USP54: variants seen among roughly 807,000 people sequenced by gnomAD.
USP54 encodes the protein ubiquitin carboxyl-terminal hydrolase 54.
A neutral mutation model predicts 170.5 loss-of-function variants in USP54; 87 were observed. The ratio of observed to expected loss-of-function variants is 0.51; its 90% CI spans 0.43 to 0.61. The LOEUF (loss-of-function observed/expected upper bound fraction) is 0.61. Among genes scored for constraint, USP54 ranks in the 20% least tolerant of loss-of-function variants. The pLI, the probability that USP54 is intolerant of heterozygous loss-of-function variation, is 0.00. For missense variants in USP54, 1,786 were observed against 2,047.8 expected, an observed-to-expected ratio of 0.87 and a Z score of 2.47; for synonymous variants, 655 against 742.8, an observed-to-expected ratio of 0.88 and a Z score of 1.92.
intron 4 of USP54, among the ~76,000 whole-genome samples, chr10:73,562,268 A>G (rs1213399157): frequency 6.6e-6 from 1 of 152,182 alleles, no homozygotes; most frequent in African/African-American, 2.4e-5. Context: ...AACATAACAT[A>G]TACACATACA....
chr10:73,616,556 G>A (rs2080658675), intron 1 of USP54, among the ~76,000 whole-genome samples: 2 of 149,878 alleles, frequency 1.3e-5, no homozygotes, highest in South Asian at 4.2e-4. Flanking sequence ...TTAATACCTA[G>A]GTGATGAGTT....
intron 9 of USP54, 141 bp from the exon 10 acceptor site, chr10:73,539,734 G>T: frequency 1.0e-6 from 1 of 966,002 alleles, no homozygotes; most frequent in Non-Finnish European, 1.5e-6. Context: ...TGTTAGTTTA[G>T]ATTAATCATC....
intron 1 of USP54, among the ~76,000 whole-genome samples, chr10:73,587,368 G>C (rs569532282): frequency 6.6e-6 from 1 of 152,068 alleles, no homozygotes; most frequent in South Asian, 2.1e-4. Context: ...CCAGCTACTC[G>C]GGAGGATGAG....
intron 12 of USP54, among the ~76,000 whole-genome samples, chr10:73,534,216 T>C (rs1357873293): frequency 6.6e-6 from 1 of 152,062 alleles, no homozygotes; most frequent in African/African-American, 2.4e-5. Context: ...TCTCCTTTTT[T>C]TTTTTTTTGA....
At chr10:73,572,317 G>T (rs887579652) in intron 3 of USP54, among the ~76,000 whole-genome samples, 2 of 152,096 alleles carry the variant, frequency 1.3e-5, no homozygotes, top group African/African-American at 2.4e-5. Flanking sequence ...GTGGTATCCT[G>T]GATGAAATCT....
At position 73,541,657 on chromosome 10, in the gene USP54, G is replaced by A. The variant is rs2066621093; in HGVS notation, c.654C>T (p.Thr218=). ...MFGELLQNAS[T]MGDLRNCPSN... Reference sequence around the variant, plus strand: ...CTGGACAGTTCCGCAGATCCCCCATGGTGCTGGCATTCTGCAGCAGCTCAC... The same window carrying A: ...CTGGACAGTTCCGCAGATCCCCCATAGTGCTGGCATTCTGCAGCAGCTCAC... Residue 218 remains threonine (T), a synonymous_variant, in exon 8 of 24, where the codon ACC becomes ACT. Coordinates refer to ENST00000687698, the MANE Select transcript of USP54 (RefSeq NM_001391956.1). The A allele has an allele frequency of 6.2e-7, 1 of 1,614,110 alleles. No individual in the cohort carries two copies. The highest frequency in any genetic ancestry group is 8.5e-7 in the Non-Finnish European group (1 of 1,180,010).
intron 3 of USP54, among the ~76,000 whole-genome samples, chr10:73,574,460 G>T (rs921405925): frequency 2.6e-5 from 4 of 152,106 alleles, no homozygotes; most frequent in Admixed American, 1.3e-4. Flanking sequence ...CTAGAGAAAA[G>T]CAACTAGGAT....
Position 73,582,199 on chromosome 10 carries a change from T to C in USP54, c.-581-5838A>G, listed in dbSNP as rs1368953256. On this transcript the variant is annotated intron_variant, in intron 1 of 23. Transcript: ENST00000687698. ...GAAGGACACTGGGCCAGGAGGAGCC[T>C]GGCGCCCTAAGAGACAGAGGGGTAA... Among the ~76,000 whole-genome samples, 3 of 152,092 alleles carry C rather than the reference T, an allele frequency of 2.0e-5. No homozygotes were observed. In the East Asian group the frequency reaches 5.8e-4, roughly 29 times the overall value.
At chr10:73,597,250 T>C (rs1266269748) in intron 1 of USP54, among the ~76,000 whole-genome samples, 1 of 152,202 alleles carries the variant, frequency 6.6e-6, no homozygotes, top group Non-Finnish European at 1.5e-5. Context: ...AACCCTCTTC[T>C]TGCCTGGGGA....
chr10:73,625,608 A>C (rs980369552), exon 1 of USP54: 1 of 152,334 alleles, frequency 6.6e-6, no homozygotes, highest in Non-Finnish European at 1.5e-5. Flanking sequence ...CTTCTTTCCC[A>C]ATGTAGCCTG....
chr10:73,548,767 A>C (rs1027596091), intron 4 of USP54, among the ~76,000 whole-genome samples: 7 of 152,300 alleles, frequency 4.6e-5, no homozygotes, highest in Admixed American at 1.3e-4. Flanking sequence ...ATTAGGAGAA[A>C]TATCTAATAT....
intron 1 of USP54, among the ~76,000 whole-genome samples, chr10:73,615,900 A>G (rs753337056): frequency 5.9e-5 from 8 of 136,052 alleles, no homozygotes; most frequent in Non-Finnish European, 1.1e-4. Flanking sequence ...CGAAGAGATC[A>G]GTCTCAAAAA....
At position 73,521,025 on chromosome 10, in the gene USP54, T is replaced by C. The variant is rs1317499395; in HGVS notation, c.2365A>G (p.Arg789Gly). 1 of 1,613,828 alleles carries C rather than the reference T, an allele frequency of 6.2e-7. No homozygotes were observed. Among genetic ancestry groups the C allele is most frequent in the East Asian group, 2.2e-5 (1 of 44,890 alleles). ...MDLDELQNQG[R>G]SDGFERSLQE... ...AGGGACCTCTCAAAGCCGTCACTCC[T>C]CCCTGAAAGGGCCAGCACTTTTCAT... Residue 789 changes from arginine to glycine, a missense_variant and splice_region_variant, in exon 18 of 24, where the codon AGG becomes GGG. Transcript: ENST00000687698.
At chr10:73,515,365 A>G (rs1485308479) in intron 20 of USP54, among the ~76,000 whole-genome samples, 2 of 152,174 alleles carry the variant, frequency 1.3e-5, no homozygotes, top group East Asian at 3.8e-4. Flanking sequence ...TTATACTGAG[A>G]GTTAATGTTG....
At chr10:73,519,708 C>A (rs146479354) in intron 19 of USP54, 89 bp downstream of exon 19, 31 of 1,569,126 alleles carry the variant, frequency 2.0e-5, no homozygotes, top group Admixed American at 3.7e-5. Flanking sequence ...CCCCTTCAGT[C>A]GCCAAGACAA....
intron 4 of USP54, chr10:73,553,302 AT>A (rs1458047870): frequency 6.6e-6 from 1 of 152,160 alleles, no homozygotes; most frequent in East Asian, 1.9e-4. Flanking sequence ...TTATTCTCTT[AT>A]TTTAATTATT....
At chr10:73,529,543 T>C in intron 15 of USP54, 137 bp downstream of exon 15, 1 of 933,526 alleles carries the variant, frequency 1.1e-6, no homozygotes, top group Non-Finnish European at 1.7e-6. Context: ...GTGCTGTTGT[T>C]ATAGGAAGTT....
At chr10:73,562,351 C>T (rs1398925654) in intron 4 of USP54, among the ~76,000 whole-genome samples, 1 of 152,182 alleles carries the variant, frequency 6.6e-6, no homozygotes, top group Non-Finnish European at 1.5e-5. Flanking sequence ...AAATAAACCA[C>T]GAGTTTAAAC....
In USP54 at chr10:73,559,536, G is replaced by A. The variant is rs2072242310; in HGVS notation, c.240+11885C>T. ...GATTGCGCCATTGCACTCCAGCCTG[G>A]GCAATAAGAGCAAAACTCCACCTAA... On this transcript the variant is annotated intron_variant, in intron 4 of 23. Coordinates refer to ENST00000687698, the MANE Select transcript of USP54 (RefSeq NM_001391956.1). Among the ~76,000 whole-genome samples the A allele has an allele frequency of 2.7e-5, 4 of 150,174 alleles. No individual in the cohort carries two copies. In the South Asian group the frequency reaches 6.4e-4, roughly 24 times the overall value.
Sources: gnomAD v4.1 joint callset for allele counts (sites outside exome capture counted in the v4.1 genomes callset) on GRCh38, gnomAD v4.1.1 for gene constraint, MANE v1.5 for transcripts, NCBI Gene and HGNC (gene_info 2026-07-23, HGNC 2026-07-21) for gene names.